Variants in UST observed in about 807,000 individuals in gnomAD.
UST encodes uronyl 2-sulfotransferase.
UST carries 21 observed loss-of-function variants against 45.6 expected under a neutral mutation model. That is an observed-to-expected ratio of 0.46 (90% CI 0.33 to 0.66). The LOEUF (loss-of-function observed/expected upper bound fraction) is 0.66. Ranked by LOEUF, UST falls within the 30% of genes least tolerant of loss-of-function variation. The pLI is 0.02. For synonymous variants in UST, 215 were observed against 200.6 expected, an observed-to-expected ratio of 1.07 and a Z score of -0.61; for missense variants, 463 against 512.4, an observed-to-expected ratio of 0.90 and a Z score of 0.93.
At chr6:148,835,687 C>T (rs1777773520) in intron 1 of UST, among the ~76,000 whole-genome samples, 1 of 152,126 alleles carries the variant, frequency 6.6e-6, no homozygotes, top group Non-Finnish European at 1.5e-5. Flanking sequence ...GAATACTGGC[C>T]AGTCTCCATG....
At chr6:148,984,986 T>C (rs1487051307) in intron 5 of UST, among the ~76,000 whole-genome samples, 1 of 152,208 alleles carries the variant, frequency 6.6e-6, no homozygotes, top group African/African-American at 2.4e-5. Context: ...AGCTAAAGGA[T>C]GAAGAGGCGT....
At chr6:148,838,450 C>T (rs1777831623) in intron 1 of UST, among the ~76,000 whole-genome samples, 1 of 152,210 alleles carries the variant, frequency 6.6e-6, no homozygotes, top group African/African-American at 2.4e-5. Context: ...CACCTAGGGA[C>T]TTCAGCTGAA....
chr6:148,991,800 G>A (rs548558131), intron 5 of UST, among the ~76,000 whole-genome samples: 5 of 152,126 alleles, frequency 3.3e-5, no homozygotes, highest in South Asian at 2.1e-4. Context: ...TTATAATCCT[G>A]TTTATTATAT....
chr6:149,042,959 CT>C (rs1776336997), intron 7 of UST, among the ~76,000 whole-genome samples: 3 of 35,676 alleles, frequency 8.4e-5, no homozygotes, highest in Non-Finnish European at 1.8e-4. Context: ...CCATCCTTTT[CT>C]TTCTTTCTTT....
intron 1 of UST, among the ~76,000 whole-genome samples, chr6:148,827,487 C>T (rs546121110): frequency 2.0e-5 from 3 of 151,996 alleles, no homozygotes; most frequent in South Asian, 4.2e-4. Flanking sequence ...GGCATGGTGG[C>T]GCATGCCTGT....
At chr6:148,834,522 C>T (rs1267821303) in intron 1 of UST, among the ~76,000 whole-genome samples, 2 of 152,086 alleles carry the variant, frequency 1.3e-5, no homozygotes, top group Non-Finnish European at 2.9e-5. Flanking sequence ...ATTGCCTGAG[C>T]TCGGGAGTTC....
intron 7 of UST, among the ~76,000 whole-genome samples, chr6:149,051,615 A>T (rs1776488904): frequency 6.6e-6 from 1 of 152,184 alleles, no homozygotes; most frequent in Non-Finnish European, 1.5e-5. Flanking sequence ...TAGCCCAGGA[A>T]ATTGAGCAGA....
At chr6:148,965,003 A>G (rs1315708793) in intron 5 of UST, among the ~76,000 whole-genome samples, 1 of 152,022 alleles carries the variant, frequency 6.6e-6, no homozygotes, top group Non-Finnish European at 1.5e-5. Context: ...CTGAGATTCT[A>G]AAGGTTGTGG....
At chr6:148,959,807 C>T (rs575820286) in intron 4 of UST, among the ~76,000 whole-genome samples, 23 of 152,074 alleles carry the variant, frequency 1.5e-4, no homozygotes, top group African/African-American at 5.5e-4. Context: ...GAGCAGAGCA[C>T]AGCTGTCTCT....
chr6:148,974,420 AAAC>A (rs1254286212), intron 5 of UST, among the ~76,000 whole-genome samples: 5 of 152,240 alleles, frequency 3.3e-5, no homozygotes, highest in African/African-American at 1.2e-4. Flanking sequence ...CACATGTAAC[AAAC>A]AACGTTTGTT....
intron 1 of UST, among the ~76,000 whole-genome samples, chr6:148,779,762 C>T (rs920984227): frequency 6.6e-6 from 1 of 152,128 alleles, no homozygotes; most frequent in Non-Finnish European, 1.5e-5. Context: ...ATTATTCTCT[C>T]CTTGTGGGCT....
At position 149,074,067 on chromosome 6, in the gene UST, A is replaced by G; in HGVS notation, c.1172A>G (p.Asp391Gly). ...CTGGAAACCGAGGAGCCAATCGACG[A>G]TGAAGAACAGGATGATGAAAAGTGG... ...TPLETEEPIDDEEQDDEKWLE... is the reference protein window; with the variant it reads ...TPLETEEPIDGEEQDDEKWLE... The change falls in exon 8 of 8, where the codon GAT becomes GGT. Residue 391 changes from aspartate to glycine, a missense_variant. Transcript: ENST00000367463. 2 of 1,614,230 alleles carry G rather than the reference A, an allele frequency of 1.2e-6. No homozygotes were observed. Among genetic ancestry groups the G allele is most frequent in the South Asian group, 2.2e-5 (2 of 91,086 alleles).
chr6:148,931,469 G>A (rs968084837), intron 2 of UST, among the ~76,000 whole-genome samples: 19 of 152,138 alleles, frequency 1.2e-4, no homozygotes, highest in Admixed American at 1.2e-3. Flanking sequence ...CTATCCAAAC[G>A]CATTTTTGTA....
intron 1 of UST, among the ~76,000 whole-genome samples, chr6:148,847,235 A>C (rs1778007897): frequency 6.6e-6 from 1 of 152,232 alleles, no homozygotes; most frequent in Non-Finnish European, 1.5e-5. Context: ...GTCTGGCATA[A>C]CTTGACAGAG....
At chr6:148,951,133 A>G (rs1267155523) in intron 3 of UST, among the ~76,000 whole-genome samples, 1 of 152,236 alleles carries the variant, frequency 6.6e-6, no homozygotes, top group Non-Finnish European at 1.5e-5. Flanking sequence ...TTGGCTGGCC[A>G]CAGCATGTGT....
intron 1 of UST, among the ~76,000 whole-genome samples, chr6:148,755,030 GAC>G (rs1776068460): frequency 6.6e-6 from 1 of 152,148 alleles, no homozygotes; most frequent in Non-Finnish European, 1.5e-5. Context: ...AGATTGCTGT[GAC>G]TTGTATGTGG....
chr6:148,751,293 G>C (rs1185057925), intron 1 of UST, among the ~76,000 whole-genome samples: 1 of 152,276 alleles, frequency 6.6e-6, no homozygotes, highest in East Asian at 1.9e-4. Context: ...CATCTTGTTT[G>C]CTACTTAAGC....
In UST at chr6:149,021,343, C is replaced by T; in HGVS notation, c.799C>T (p.Leu267Phe). The change falls in exon 7 of 8, where the codon CTT (leucine) becomes TTT (phenylalanine). Residue 267 changes from leucine (L) to phenylalanine (F), a missense_variant. Leu to Phe is a conservative substitution (Grantham distance 22). Coordinates refer to ENST00000367463, the MANE Select transcript of UST (RefSeq NM_005715.3). ...ATAAAGGGAGCCTGGTGAATGGGCC[C>T]TTGAGAGAGCAAAGCTGAACGTGAA... ...PRCREPGEWA[L>F]ERAKLNVNEN... The T allele has an allele frequency of 6.2e-7, 1 of 1,613,288 alleles. No individual in the cohort carries two copies. The highest frequency in any genetic ancestry group is 8.5e-7 in the Non-Finnish European group (1 of 1,179,582).
At chr6:149,006,895 A>G (rs1188658918) in intron 5 of UST, among the ~76,000 whole-genome samples, 2 of 152,188 alleles carry the variant, frequency 1.3e-5, no homozygotes, top group African/African-American at 4.8e-5. Context: ...CACAGAGTCA[A>G]CATCGTCTCT....
Sources: allele counts gnomAD v4.1 joint callset (sites outside exome capture counted in the v4.1 genomes callset), GRCh38; gene constraint gnomAD v4.1.1; transcripts MANE v1.5; gene names NCBI Gene and HGNC (gene_info 2026-07-23, HGNC 2026-07-21).